Variants in NEK11 observed in about 807,000 individuals in gnomAD.
NEK11 encodes the protein serine/threonine-protein kinase Nek11.
NEK11 carries 72 observed loss-of-function variants against 80.7 expected under a neutral mutation model. That is an observed-to-expected ratio of 0.89 (90% CI 0.74 to 1.08). NEK11 has a LOEUF of 1.08. NEK11 is among the 50% of genes least tolerant of loss of function. The pLI is 0.00. For missense variants in NEK11, 764 were observed against 763.6 expected (o/e 1.00, Z -0.01); for synonymous variants, 251 against 260.7 (o/e 0.96, Z 0.36).
intron 7 of NEK11, among the ~76,000 whole-genome samples, chr3:131,146,401 C>T (rs201293279): frequency 6.6e-6 from 1 of 152,092 alleles, no homozygotes; most frequent in East Asian, 1.9e-4. Context: ...TGGTACCTTT[C>T]TGGGCAAATT....
chr3:131,202,274 G>A (rs1057308500), intron 14 of NEK11, among the ~76,000 whole-genome samples: 1 of 152,128 alleles, frequency 6.6e-6, no homozygotes, highest in Non-Finnish European at 1.5e-5. Context: ...CGGAAGGCAA[G>A]CTGAAGCAGG....
chr3:131,029,868 G>A lies in NEK11; in HGVS notation c.160G>A (p.Gly54Arg). Residue 54 changes from glycine to arginine, a missense_variant, in exon 3 of 18, where the codon GGA becomes AGA. By Grantham distance (125) the Gly-to-Arg change is moderately radical. Transcript: ENST00000383366. ...GGTTTCAGACAAGAAAGCCAAACGA[G>A]GAGAGGAATTGTAAGTAAAAATGCT... is the stretch of plus-strand genomic sequence containing the variant. ...YLVSDKKAKR[G>R]EELKVLKEIS... 6.2e-7 allele frequency: 1 copy of A among 1,614,172 alleles called. No homozygotes were observed. The highest frequency in any genetic ancestry group is 8.5e-7 in the Non-Finnish European group (1 of 1,180,028).
intron 17 of NEK11, among the ~76,000 whole-genome samples, chr3:131,318,229 C>T (rs1468102445): frequency 6.6e-6 from 1 of 152,160 alleles, no homozygotes; most frequent in Non-Finnish European, 1.5e-5. Flanking sequence ...GCCATAGTAT[C>T]ATTGGCGTTC....
chr3:131,114,365 G>C (rs987588424), intron 5 of NEK11, among the ~76,000 whole-genome samples: 1 of 152,130 alleles, frequency 6.6e-6, no homozygotes, highest in African/African-American at 2.4e-5. Flanking sequence ...TCTTGCCGAA[G>C]GGAGTCATGC....
intron 3 of NEK11, among the ~76,000 whole-genome samples, chr3:131,048,438 C>T (rs1264864575): frequency 1.3e-5 from 2 of 152,210 alleles, no homozygotes; most frequent in Non-Finnish European, 2.9e-5. Context: ...GAAACGGCTT[C>T]GCTGGGGACC....
chr3:131,190,948 G>C (rs2093770860), intron 14 of NEK11, among the ~76,000 whole-genome samples: 1 of 152,024 alleles, frequency 6.6e-6, no homozygotes, highest in Non-Finnish European at 1.5e-5. Flanking sequence ...TTAACAGCAG[G>C]AAATCAATTA....
intron 10 of NEK11, among the ~76,000 whole-genome samples, chr3:131,161,787 G>A (rs2091628220): frequency 6.6e-6 from 1 of 152,120 alleles, no homozygotes; most frequent in Admixed American, 6.5e-5. Flanking sequence ...CCTATCACTT[G>A]AGTTTACCTA....
intron 10 of NEK11, among the ~76,000 whole-genome samples, chr3:131,158,663 C>G (rs1198797592): frequency 6.6e-6 from 1 of 152,238 alleles, no homozygotes; most frequent in African/African-American, 2.4e-5. Flanking sequence ...TGCACAGTTG[C>G]CAGTGGAGGG....
In NEK11 at chr3:131,187,466, C is replaced by T. The variant is rs1209421000; in HGVS notation, c.1399+16579C>T. ...TAAAACTCACAAAAGATTCTATTTC[C>T]CTCATTTTCCAGTTCTTCCTTGGAA... On this transcript the variant is annotated intron_variant, in intron 14 of 17. Coordinates refer to ENST00000383366, the MANE Select transcript of NEK11 (RefSeq NM_024800.5). Among the ~76,000 whole-genome samples, 3 of 152,096 alleles carry T rather than the reference C, an allele frequency of 2.0e-5. No homozygotes were observed. In the East Asian group the frequency reaches 5.8e-4, roughly 29 times the overall value.
intron 10 of NEK11, among the ~76,000 whole-genome samples, chr3:131,161,745 C>T (rs1260293210): frequency 1.3e-5 from 2 of 152,098 alleles, no homozygotes; most frequent in Non-Finnish European, 2.9e-5. Context: ...AGGCTTAATA[C>T]GTGGGTGACA....
At chr3:131,346,988 A>G (rs1383988141) in intron 17 of NEK11, among the ~76,000 whole-genome samples, 1 of 152,216 alleles carries the variant, frequency 6.6e-6, no homozygotes, top group Non-Finnish European at 1.5e-5. Flanking sequence ...TGGAAGAAAG[A>G]GTGGGCTAGT....
At chr3:131,297,983 G>A (rs1207235085) in intron 17 of NEK11, among the ~76,000 whole-genome samples, 1 of 151,738 alleles carries the variant, frequency 6.6e-6, no homozygotes, top group African/African-American at 2.4e-5. Flanking sequence ...TAGATATGCG[G>A]CGTTATTTCT....
intron 17 of NEK11, among the ~76,000 whole-genome samples, chr3:131,308,304 G>A (rs2096742474): frequency 6.6e-6 from 1 of 152,158 alleles, no homozygotes; most frequent in Admixed American, 6.5e-5. Context: ...TTAGGCAGTA[G>A]AATCTTACCC....
At chr3:131,220,266 A>T (rs868666896) in intron 14 of NEK11, among the ~76,000 whole-genome samples, 1 of 152,188 alleles carries the variant, frequency 6.6e-6, no homozygotes, top group African/African-American at 2.4e-5. Context: ...GGTAAAAAAA[A>T]ATCTTATGGT....
intron 3 of NEK11, among the ~76,000 whole-genome samples, chr3:131,057,229 A>G (rs2069721058): frequency 6.6e-6 from 1 of 151,552 alleles, no homozygotes; most frequent in East Asian, 1.9e-4. Context: ...ATCATTTTTT[A>G]TGGCTGCATA....
chr3:131,150,038 T>G (rs1465442445), intron 7 of NEK11, among the ~76,000 whole-genome samples: 1 of 152,082 alleles, frequency 6.6e-6, no homozygotes, highest in Non-Finnish European at 1.5e-5. Flanking sequence ...AGCATTCCAT[T>G]AAAAGTGTTT....
intron 5 of NEK11, among the ~76,000 whole-genome samples, chr3:131,119,431 A>G (rs996436696): frequency 3.3e-5 from 5 of 152,206 alleles, no homozygotes; most frequent in Non-Finnish European, 7.3e-5. Flanking sequence ...TGGTGCTGAG[A>G]AGAATGTATA....
chr3:131,210,937 T>G (rs569946740), intron 14 of NEK11, among the ~76,000 whole-genome samples: 56 of 152,360 alleles, frequency 3.7e-4, no homozygotes, highest in Non-Finnish European at 6.9e-4. Flanking sequence ...AATTTGCCAG[T>G]CTGTGTCTTT....
intron 14 of NEK11, among the ~76,000 whole-genome samples, chr3:131,225,068 C>T (rs994384265): frequency 6.6e-6 from 1 of 152,174 alleles, no homozygotes; most frequent in Non-Finnish European, 1.5e-5. Context: ...TAGGCCTTCG[C>T]ATTCACTCAC....
Sources: gnomAD v4.1 joint callset for allele counts (sites outside exome capture counted in the v4.1 genomes callset) on GRCh38, gnomAD v4.1.1 for gene constraint, MANE v1.5 for transcripts, NCBI Gene and HGNC (gene_info 2026-07-23, HGNC 2026-07-21) for gene names.